FHIT: variants seen among roughly 807,000 people sequenced by gnomAD.
FHIT encodes bis(5'-adenosyl)-triphosphatase.
A neutral mutation model predicts 17.9 loss-of-function variants in FHIT; 19 were observed. The ratio of observed to expected loss-of-function variants is 1.06; its 90% CI spans 0.74 to 1.56. FHIT has a LOEUF of 1.56. Ranked by LOEUF, FHIT falls within the 40% of genes most tolerant of loss-of-function variation. The probability of loss-of-function intolerance (pLI) is 0.00; values close to 1 mark genes in which losing one functional copy is unlikely to be tolerated. For synonymous variants in FHIT, 81 were observed against 69.7 expected, an observed-to-expected ratio of 1.16 and a Z score of -0.81; for missense variants, 248 against 189.2, an observed-to-expected ratio of 1.31 and a Z score of -1.82.
At chr3:61,163,470 A>G (rs1314611326) in intron 2 of FHIT, among the ~76,000 whole-genome samples, 3 of 152,174 alleles carry the variant, frequency 2.0e-5, no homozygotes, top group Non-Finnish European at 4.4e-5. Context: ...ACTACCCCAA[A>G]ATATGGCATG....
At chr3:60,149,787 C>A (rs576676425) in intron 5 of FHIT, among the ~76,000 whole-genome samples, 2 of 151,484 alleles carry the variant, frequency 1.3e-5, no homozygotes, top group East Asian at 3.9e-4. Context: ...CCCTACCCCC[C>A]TACCCCCCTA....
intron 7 of FHIT, among the ~76,000 whole-genome samples, chr3:59,974,440 G>A (rs113142858): frequency 6.6e-6 from 1 of 152,082 alleles, no homozygotes; most frequent in African/African-American, 2.4e-5. Context: ...AGGTATTTAG[G>A]CCATCCTGGC....
At chr3:60,398,026 C>G (rs192108218) in intron 5 of FHIT, among the ~76,000 whole-genome samples, 2 of 152,122 alleles carry the variant, frequency 1.3e-5, no homozygotes, top group Non-Finnish European at 2.9e-5. Context: ...CCCACATCCC[C>G]TCTTTGCTGA....
chr3:60,114,197 AT>A (rs1349814005), intron 5 of FHIT, among the ~76,000 whole-genome samples: 1 of 150,274 alleles, frequency 6.7e-6, no homozygotes, highest in African/African-American at 2.4e-5. Flanking sequence ...GGTAAACAGT[AT>A]GAATATTCCT....
intron 8 of FHIT, among the ~76,000 whole-genome samples, chr3:59,922,007 T>C (rs1295768999): frequency 1.3e-5 from 2 of 152,198 alleles, no homozygotes; most frequent in Non-Finnish European, 2.9e-5. Flanking sequence ...TCAATCTGCT[T>C]GATTTCCAGT....
At chr3:60,362,914 A>G (rs988779971) in intron 5 of FHIT, among the ~76,000 whole-genome samples, 1 of 152,214 alleles carries the variant, frequency 6.6e-6, no homozygotes, top group Non-Finnish European at 1.5e-5. Context: ...CACCATAACA[A>G]TGACCATAAG....
At chr3:60,036,221 T>C (rs928137721) in intron 5 of FHIT, among the ~76,000 whole-genome samples, 2 of 152,196 alleles carry the variant, frequency 1.3e-5, no homozygotes, top group Non-Finnish European at 2.9e-5. Context: ...TGACTCCCTA[T>C]CTCCATGTGT....
chr3:60,011,283 GC>G, intron 7 of FHIT, 87 bp downstream of exon 7: 1 of 1,220,838 alleles, frequency 8.2e-7, no homozygotes, highest in Non-Finnish European at 1.2e-6. Flanking sequence ...TAATGAAACA[GC>G]AATGTGCTGC....
chr3:60,117,103 G>C (rs1704999285), intron 5 of FHIT, among the ~76,000 whole-genome samples: 1 of 152,156 alleles, frequency 6.6e-6, no homozygotes, highest in Non-Finnish European at 1.5e-5. Context: ...AGGCTTACTG[G>C]ATTAGAACTA....
chr3:59,931,044 A>T (rs1338204808), intron 7 of FHIT, among the ~76,000 whole-genome samples: 1 of 152,266 alleles, frequency 6.6e-6, no homozygotes, highest in Non-Finnish European at 1.5e-5. Flanking sequence ...TCAAGTGGGC[A>T]TAAAACCAGT....
chr3:60,566,824 C>T (rs927509378), intron 4 of FHIT, among the ~76,000 whole-genome samples: 2 of 149,906 alleles, frequency 1.3e-5, no homozygotes, highest in African/African-American at 4.9e-5. Flanking sequence ...AACAGACAAA[C>T]AGAGAGCCAA....
rs1017717181 is a variant in FHIT, at chr3:60,329,568, T to G, written c.103+207292A>C. 5.9e-5 allele frequency among the ~76,000 whole-genome samples: 9 copies of G among 152,316 alleles called. 3 individuals carry two copies. The highest frequency in any genetic ancestry group is 1.9e-4 in the East Asian group (1 of 5,182). On this transcript the variant is annotated intron_variant, in intron 5 of 9. Coordinates refer to ENST00000492590, the MANE Select transcript of FHIT (RefSeq NM_002012.4). ...TTCTTTTTAACTGTGGAACAATCTA[T>G]AGCATGGGAAATGGGTTAAGATTTG...
intron 5 of FHIT, among the ~76,000 whole-genome samples, chr3:60,442,530 A>C (rs1055741835): frequency 1.3e-5 from 2 of 152,172 alleles, no homozygotes; most frequent in African/African-American, 4.8e-5. Flanking sequence ...TAAATAGGGA[A>C]TCCTTTCCCC....
intron 5 of FHIT, among the ~76,000 whole-genome samples, chr3:60,278,542 G>C (rs1297826327): frequency 6.6e-6 from 1 of 152,040 alleles, no homozygotes; most frequent in East Asian, 1.9e-4. Flanking sequence ...AGAGGTCTTT[G>C]GTGATTACAA....
At chr3:60,327,723 T>G (rs1709767408) in intron 5 of FHIT, among the ~76,000 whole-genome samples, 1 of 152,184 alleles carries the variant, frequency 6.6e-6, no homozygotes, top group African/African-American at 2.4e-5. Flanking sequence ...AATGGGTAAG[T>G]AAAACATAGA....
chr3:59,830,039 G>C (rs1445535120), intron 8 of FHIT, among the ~76,000 whole-genome samples: 1 of 152,086 alleles, frequency 6.6e-6, no homozygotes, highest in East Asian at 1.9e-4. Flanking sequence ...TCACACCACT[G>C]CACTCCAGCC....
intron 8 of FHIT, among the ~76,000 whole-genome samples, chr3:59,757,393 C>T (rs1194218579): frequency 6.6e-6 from 1 of 152,174 alleles, no homozygotes; most frequent in Non-Finnish European, 1.5e-5. Context: ...GTAGTGTTAA[C>T]AGGATTTCTG....
intron 5 of FHIT, among the ~76,000 whole-genome samples, chr3:60,017,577 G>C (rs1210737999): frequency 6.6e-6 from 1 of 152,148 alleles, no homozygotes; most frequent in African/African-American, 2.4e-5. Context: ...GAGAATTATG[G>C]ACCTTCTCAC....
intron 8 of FHIT, among the ~76,000 whole-genome samples, chr3:59,839,032 C>A (rs545174477): frequency 3.9e-5 from 6 of 152,108 alleles, no homozygotes; most frequent in Admixed American, 6.6e-5. Context: ...CATCTCATCT[C>A]CCAGCTGGGC....
Sources: gnomAD v4.1 joint callset for allele counts (sites outside exome capture counted in the v4.1 genomes callset) on GRCh38, gnomAD v4.1.1 for gene constraint, MANE v1.5 for transcripts, NCBI Gene and HGNC (gene_info 2026-07-23, HGNC 2026-07-21) for gene names.